MMGT1: variants seen among roughly 807,000 people sequenced by gnomAD.
MMGT1 encodes ER membrane protein complex subunit 5.
Under a neutral mutation model 11.7 loss-of-function variants are expected in MMGT1, and 2 were observed. That is an observed-to-expected ratio of 0.17 (90% CI 0.07 to 0.54). The LOEUF (loss-of-function observed/expected upper bound fraction) is 0.54, where lower values mean the gene tolerates loss of function less well. MMGT1 is among the 20% of genes least tolerant of loss of function. The pLI, the probability that MMGT1 is intolerant of heterozygous loss-of-function variation, is 0.94. For synonymous variants in MMGT1, 49 were observed against 44.4 expected, an observed-to-expected ratio of 1.10 and a Z score of -0.41; for missense variants, 74 against 109.0, an observed-to-expected ratio of 0.68 and a Z score of 1.43.
Position 135,965,807 on chromosome X carries a change from C to A in MMGT1, c.237-624G>T, listed in dbSNP as rs150034440. On this transcript the variant is annotated intron_variant, in intron 3 of 3. Transcript: ENST00000305963. The stretch of plus-strand genomic sequence containing the variant: ...CTCCCCTGTAAATCTAACAGTAACG[C>A]ATGTCGAATAGTCTTTTTAAAAAAG... Among the ~76,000 whole-genome samples, 365 of 111,826 alleles carry A rather than the reference C, an allele frequency of 3.3e-3. 1 individual carries two copies. Among genetic ancestry groups the A allele is most frequent in the African/African-American group, 0.011 (349 of 30,777 alleles).
rs1237076630 is a variant in MMGT1 at position 135,963,354 on chromosome X, G to A, written c.*1670C>T. 1 of 112,028 alleles carries A rather than the reference G, an allele frequency of 8.9e-6. No individual in the cohort carries two copies. The highest frequency in any genetic ancestry group is 1.9e-5 in the Non-Finnish European group (1 of 53,169). The allele number at this position is 112,028 out of a possible 1,213,427, so 9.2% of individuals were successfully genotyped here. On this transcript the variant is annotated 3_prime_UTR_variant, in exon 4 of 4. Transcript: ENST00000305963. ...AAGAAACGAAGACATACCCCAAAGA[G>A]AAGGAAACAAGAGGCTCTTCCAAAC...
chrX:135,973,538 G>A, intron 1 of MMGT1, 59 bp downstream of exon 1: 3 of 977,605 alleles, frequency 3.1e-6, no homozygotes, highest in Non-Finnish European at 4.2e-6. Flanking sequence ...TTAGAAGTGC[G>A]CCCACACACC....
chrX:135,972,621 T>A (rs2089225865), intron 1 of MMGT1, among the ~76,000 whole-genome samples: 1 of 112,195 alleles, frequency 8.9e-6, no homozygotes, highest in South Asian at 3.7e-4. Flanking sequence ...ATCATATAAT[T>A]CTACAGTTAA....
Position 135,961,151 on chromosome X carries a change from A to G in MMGT1, c.*3873T>C, listed in dbSNP as rs2089152416. The stretch of plus-strand genomic sequence containing the variant: ...ACTCATTATATGTACAAGTATATTC[A>G]CCACAATGTGATTTAATATTGGAAA... On this transcript the variant is annotated 3_prime_UTR_variant, in exon 4 of 4. Coordinates refer to ENST00000305963, the MANE Select transcript of MMGT1 (RefSeq NM_173470.3). 8.9e-6 allele frequency among the ~76,000 whole-genome samples: 1 copy of G among 111,904 alleles called. No individual in the cohort carries two copies. Among genetic ancestry groups the G allele is most frequent in the Admixed American group, 9.5e-5 (1 of 10,512 alleles).
chrX:135,964,805 T>A lies in MMGT1; in HGVS notation c.*219A>T, dbSNP rs2089176142. ...GATTTGTTTTAAATGAAAAAAAAAA[T>A]AATTCCTATATGAAATACCAAAGAC... On this transcript the variant is annotated 3_prime_UTR_variant, in exon 4 of 4. Coordinates refer to ENST00000305963, the MANE Select transcript of MMGT1 (RefSeq NM_173470.3). 2 of 283,280 alleles carry A rather than the reference T, an allele frequency of 7.1e-6. No homozygotes were observed. Among genetic ancestry groups the A allele is most frequent in the Non-Finnish European group, 1.2e-5 (2 of 160,859 alleles). The allele number at this position is 283,280 out of a possible 1,213,427, so 23.3% of individuals were successfully genotyped here. A position where few individuals can be genotyped will look rare whatever the true frequency, so the allele number is the denominator to read the frequency against.
rs2089155606 is a variant in MMGT1 at position 135,961,600 on chromosome X, T to G, written c.*3424A>C. On this transcript the variant is annotated 3_prime_UTR_variant, in exon 4 of 4. Coordinates refer to ENST00000305963, the MANE Select transcript of MMGT1 (RefSeq NM_173470.3). ...ATTTTGAGATATTCCTAGGTAGGTT[T>G]GAATACCGGTGGTGTTATTTTTCAA... 8.9e-6 allele frequency among the ~76,000 whole-genome samples: 1 copy of G among 111,756 alleles called. No individual in the cohort carries two copies. The highest frequency in any genetic ancestry group is 1.9e-5 in the Non-Finnish European group (1 of 53,146).
chrX:135,972,738 C>A (rs1472576787), intron 1 of MMGT1, among the ~76,000 whole-genome samples: 4 of 111,901 alleles, frequency 3.6e-5, no homozygotes, highest in Non-Finnish European at 7.5e-5. Context: ...CTTATTAAAA[C>A]CCAGATTCTG....
intron 2 of MMGT1, among the ~76,000 whole-genome samples, chrX:135,968,510 T>C (rs1203310730): frequency 9.8e-6 from 1 of 101,904 alleles, no homozygotes; most frequent in African/African-American, 3.8e-5. Flanking sequence ...TGTGTGTGTG[T>C]GTGTGTGTGT....
rs782587014 is a variant in MMGT1, at chrX:135,963,536, G to C, written c.*1488C>G. ...CAGATTTCTAACTTTGTTCTCATTA[G>C]AGAGCAGAGTCAGTGTTCCGCAGAC... On this transcript the variant is annotated 3_prime_UTR_variant, in exon 4 of 4. Coordinates refer to ENST00000305963, the MANE Select transcript of MMGT1 (RefSeq NM_173470.3). 8.9e-6 allele frequency: 1 copy of C among 111,918 alleles called. No homozygotes were observed. Among genetic ancestry groups the C allele is most frequent in the Non-Finnish European group, 1.9e-5 (1 of 53,178 alleles). 9.2% of individuals were successfully genotyped at this position (111,918 alleles called of 1,213,427 possible). A position where few individuals can be genotyped will look rare whatever the true frequency, so the allele number is the denominator to read the frequency against.
In MMGT1 at chrX:135,973,969, A is replaced by C. The variant is rs1556612964; in HGVS notation, c.-294T>G. 9.5e-7 allele frequency: 1 copy of C among 1,049,237 alleles called. No individual in the cohort carries two copies. The highest frequency in any genetic ancestry group is 4.2e-5 in the East Asian group (1 of 23,865). 86.5% of individuals were successfully genotyped at this position (1,049,237 alleles called of 1,213,427 possible). Reference sequence around the variant, plus strand: ...TCATAAACGAAGAGGCGAAAGCGGGAGCTACGGGGAAGCGAAGAGGAAGGG... The same window carrying C: ...TCATAAACGAAGAGGCGAAAGCGGGCGCTACGGGGAAGCGAAGAGGAAGGG... On this transcript the variant is annotated 5_prime_UTR_variant, in exon 1 of 4. Coordinates refer to ENST00000305963, the MANE Select transcript of MMGT1 (RefSeq NM_173470.3).
In MMGT1 at chrX:135,963,416, T is replaced by C. The variant is rs2089167126; in HGVS notation, c.*1608A>G. 8.9e-6 allele frequency: 1 copy of C among 112,111 alleles called. No individual in the cohort carries two copies. Among genetic ancestry groups the C allele is most frequent in the Admixed American group, 9.4e-5 (1 of 10,592 alleles). 9.2% of individuals were successfully genotyped at this position (112,111 alleles called of 1,213,427 possible). A position where few individuals can be genotyped will look rare whatever the true frequency, so the allele number is the denominator to read the frequency against. On this transcript the variant is annotated 3_prime_UTR_variant, in exon 4 of 4. Coordinates refer to ENST00000305963, the MANE Select transcript of MMGT1 (RefSeq NM_173470.3). ...AGAAGAAAACAGTAGCCAAGTCTGATGGAAGGAGCTTGTTTCTTGCATGCT... is the reference window on the plus strand; with the variant it reads ...AGAAGAAAACAGTAGCCAAGTCTGACGGAAGGAGCTTGTTTCTTGCATGCT...
rs2089178825 is a variant in MMGT1 at position 135,965,182 on chromosome X, T to G, written c.238A>C (p.Thr80Pro). ...GGGTGATTCCTTAACGTATCAAATG[T>G]CCTTGAAAGAAGAAAAAAGCATCAA... Reference protein sequence around the residue: ...MDATSELKNKTFDTLRNHPSF... With the variant: ...MDATSELKNKPFDTLRNHPSF... Residue 80 changes from threonine (T) to proline (P), a missense_variant and splice_region_variant, in exon 4 of 4, where the codon ACA becomes CCA. Around this residue, in one of 2 missense-constraint regions of MMGT1, gnomAD observed 40 missense variants for 79.6 expected, o/e 0.50. Coordinates refer to ENST00000305963, the MANE Select transcript of MMGT1 (RefSeq NM_173470.3). 8.4e-7 allele frequency: 1 copy of G among 1,188,936 alleles called. No individual in the cohort carries two copies. The highest frequency in any genetic ancestry group is 2.3e-5 in the Admixed American group (1 of 44,071).
intron 2 of MMGT1, among the ~76,000 whole-genome samples, chrX:135,970,846 T>G: frequency 8.9e-6 from 1 of 111,809 alleles, no homozygotes; most frequent in East Asian, 2.8e-4. Context: ...GAGGCGGAGC[T>G]TGCAGTGAGC....
At position 135,965,319 on chromosome X, in the gene MMGT1, G is replaced by C. The variant is rs1357152428; in HGVS notation, c.237-136C>G. 9.3e-6 allele frequency: 4 copies of C among 431,167 alleles called. No individual in the cohort carries two copies. The African/African-American group carries it at 9.9e-5, about 11-fold the overall frequency. 35.5% of individuals were successfully genotyped at this position (431,167 alleles called of 1,213,427 possible). ...AAGTATTAATACATGAAATCAGACTGTAAATAATAATTATACTGTATCTCT... is the reference window on the plus strand; with the variant it reads ...AAGTATTAATACATGAAATCAGACTCTAAATAATAATTATACTGTATCTCT... On this transcript the variant is annotated intron_variant, in intron 3 of 3. Coordinates refer to ENST00000305963, the MANE Select transcript of MMGT1 (RefSeq NM_173470.3).
At chrX:135,965,710 AT>A (rs1401034717) in intron 3 of MMGT1, among the ~76,000 whole-genome samples, 2 of 110,590 alleles carry the variant, frequency 1.8e-5, no homozygotes, top group African/African-American at 3.3e-5. Flanking sequence ...GGCTTCTAAT[AT>A]TTTTTTTTAT....
intron 3 of MMGT1, among the ~76,000 whole-genome samples, chrX:135,966,319 C>T (rs2089185022): frequency 8.9e-6 from 1 of 112,331 alleles, no homozygotes; most frequent in South Asian, 3.7e-4. Context: ...TTGGGTGGGG[C>T]ACGTTGGCTC....
In MMGT1 at chrX:135,973,778, G is replaced by A. The variant is rs1261517036; in HGVS notation, c.-103C>T. On this transcript the variant is annotated 5_prime_UTR_variant, in exon 1 of 4. Transcript: ENST00000305963. ...CGCGCCGCAGAAAGATGACGTCACT[G>A]AAGTCCTGAGCGCAAAGTGTCTCAG... The A allele has an allele frequency of 1.7e-6, 2 of 1,165,698 alleles. No homozygotes were observed. The highest frequency in any genetic ancestry group is 5.2e-5 in the Admixed American group (2 of 38,694).
chrX:135,968,499 T>TTGTGTGTGTGTGTGTGTGTGTGTGTG, intron 2 of MMGT1, among the ~76,000 whole-genome samples: 1 of 85,033 alleles, frequency 1.2e-5, no homozygotes, highest in East Asian at 3.8e-4. Flanking sequence ...CATTATGTCA[T>TTGTGTGTGTGTGTGTGTGTGTGTGTG]TGTGTGTGTG....
intron 1 of MMGT1, 105 bp from the exon 2 acceptor site, chrX:135,971,215 C>G (rs2148120309): frequency 1.9e-6 from 1 of 521,530 alleles, no homozygotes; most frequent in Non-Finnish European, 3.4e-6. Context: ...GTGCAGCACA[C>G]CAGCATGGCA....
Sources: gnomAD v4.1 joint callset for allele counts (sites outside exome capture counted in the v4.1 genomes callset) on GRCh38, gnomAD v4.1.1 for gene constraint, gnomAD v4.1.1 regional missense constraint, MANE v1.5 for transcripts, NCBI Gene and HGNC (gene_info 2026-07-23, HGNC 2026-07-21) for gene names.